SMPDL3A: variants seen among roughly 807,000 people sequenced by gnomAD.
The protein encoded by SMPDL3A is cyclic GMP-AMP phosphodiesterase SMPDL3A.
In SMPDL3A, 39 loss-of-function variants were observed where a neutral mutation model predicts 38.5. The ratio of observed to expected loss-of-function variants is 1.01; its 90% CI spans 0.78 to 1.32. The LOEUF (loss-of-function observed/expected upper bound fraction) is 1.32, where lower values mean the gene tolerates loss of function less well. Ranked by LOEUF, SMPDL3A falls within the 40% of genes most tolerant of loss-of-function variation. The pLI, the probability that SMPDL3A is intolerant of heterozygous loss-of-function variation, is 0.00. For missense variants in SMPDL3A, 502 were observed against 536.2 expected, an observed-to-expected ratio of 0.94 and a Z score of 0.63; for synonymous variants, 180 against 194.3, an observed-to-expected ratio of 0.93 and a Z score of 0.61.
At chr6:122,800,738 G>T (rs200563741) in intron 3 of SMPDL3A, among the ~76,000 whole-genome samples, 1 of 107,390 alleles carries the variant, frequency 9.3e-6, no homozygotes, top group African/African-American at 3.0e-5. Flanking sequence ...CACCTTTTTT[G>T]TTTGTTTGTT....
At chr6:122,801,429 C>CAGT in intron 4 of SMPDL3A, 23 bp downstream of exon 4, 1 of 1,464,170 alleles carries the variant, frequency 6.8e-7, no homozygotes. Context: ...CTTAGTTATT[C>CAGT]CTATTTTGCC....
At chr6:122,790,658 G>C (rs1361018827) in intron 1 of SMPDL3A, among the ~76,000 whole-genome samples, 1 of 152,198 alleles carries the variant, frequency 6.6e-6, no homozygotes, top group East Asian at 1.9e-4. Flanking sequence ...CCGAACTGTG[G>C]CAAATGTCAG....
At chr6:122,803,607 C>G (rs1781494887) in intron 4 of SMPDL3A, 57 bp from the exon 5 acceptor site, 1 of 1,376,670 alleles carries the variant, frequency 7.3e-7, no homozygotes, top group African/African-American at 1.4e-5. Context: ...TTTGCTTTCA[C>G]AATGTTTGTG....
chr6:122,801,033 G>A (rs1227227437), intron 3 of SMPDL3A, among the ~76,000 whole-genome samples: 2 of 152,228 alleles, frequency 1.3e-5, no homozygotes, highest in African/African-American at 2.4e-5. Flanking sequence ...TTATAGGCAT[G>A]AGCCACTGCA....
At chr6:122,791,843 G>A (rs2115158373) in intron 1 of SMPDL3A, among the ~76,000 whole-genome samples, 2 of 152,130 alleles carry the variant, frequency 1.3e-5, no homozygotes, top group South Asian at 4.1e-4. Context: ...ACAGGCGCCC[G>A]CCACCATGCC....
At chr6:122,808,965 A>T in intron 7 of SMPDL3A, 126 bp from the exon 8 acceptor site, 3 of 745,846 alleles carry the variant, frequency 4.0e-6, no homozygotes, top group Non-Finnish European at 6.6e-6. Context: ...AAGTGCTAGG[A>T]TTACAGGCGT....
chr6:122,800,832 C>A (rs1781405809), intron 3 of SMPDL3A, among the ~76,000 whole-genome samples: 1 of 152,126 alleles, frequency 6.6e-6, no homozygotes, highest in Admixed American at 6.5e-5. Flanking sequence ...CTCACTGCAA[C>A]CTTCGCCTCA....
chr6:122,789,821 AAGCTGGG>A, intron 1 of SMPDL3A: 2 of 985,228 alleles, frequency 2.0e-6, no homozygotes, highest in African/African-American at 3.5e-5. Flanking sequence ...AGGGAAGAGG[AAGCTGGG>A]AGTCCGATGT....
intron 1 of SMPDL3A, among the ~76,000 whole-genome samples, chr6:122,790,872 A>G (rs1012998186): frequency 2.0e-5 from 3 of 152,046 alleles, no homozygotes; most frequent in Non-Finnish European, 4.4e-5. Context: ...GAGTCTTCAC[A>G]CCTCCTGTTT....
At chr6:122,802,050 G>A (rs972671650) in intron 4 of SMPDL3A, among the ~76,000 whole-genome samples, 30 of 152,048 alleles carry the variant, frequency 2.0e-4, no homozygotes, top group South Asian at 1.0e-3. Context: ...TACTTCTTTC[G>A]GTATTTTTGT....
rs1257784705 is a variant in SMPDL3A at position 122,803,778 on chromosome 6, A to G, written c.683A>G (p.Asn228Ser). 2 of 1,614,086 alleles carry G rather than the reference A, an allele frequency of 1.2e-6. No homozygotes were observed. Among genetic ancestry groups the G allele is most frequent in the Admixed American group, 3.3e-5 (2 of 60,018 alleles). ...ACACTGAACAAGACTGACCCAGCCA[A>G]CCAGTTTGAATGGCTAGAAAGTACA... ...IMTLNKTDPA[N>S]QFEWLESTLN... is the part of the protein sequence containing the mutation. Residue 228 changes from asparagine to serine, a missense_variant, in exon 5 of 8, where the codon AAC becomes AGC. By Grantham distance (46) the Asn-to-Ser change is conservative. Transcript: ENST00000368440.
chr6:122,805,099 T>A lies in SMPDL3A; in HGVS notation c.919+10T>A, dbSNP rs370597839. 2.0e-5 allele frequency: 31 copies of A among 1,588,420 alleles called. No homozygotes were observed. Among genetic ancestry groups the A allele is most frequent in the Non-Finnish European group, 2.6e-5 (30 of 1,168,988 alleles). ...CTTTCAGATAAAAAAGGTAATGTAA[T>A]GCTGTGTTTGCATCTCCCCAGTCTA... is the stretch of plus-strand genomic sequence containing the variant. On this transcript the variant is annotated intron_variant, in intron 6 of 7. Coordinates refer to ENST00000368440, the MANE Select transcript of SMPDL3A (RefSeq NM_006714.5).
chr6:122,798,285 T>C (rs1371311846), intron 3 of SMPDL3A, among the ~76,000 whole-genome samples: 1 of 152,180 alleles, frequency 6.6e-6, no homozygotes, highest in Non-Finnish European at 1.5e-5. Context: ...CCTGTTGATA[T>C]GTTAGACCAC....
Position 122,799,961 on chromosome 6 carries a change from CTTTTTTTTTTT to C in SMPDL3A, c.472-1339_472-1329del, listed in dbSNP as rs112956534. On this transcript the variant is annotated intron_variant, in intron 3 of 7. Coordinates refer to ENST00000368440, the MANE Select transcript of SMPDL3A (RefSeq NM_006714.5). ...TTTATGGGTTTTTATTCAGTATTTA[CTTTTTTTTTTT>C]TTTTTTTTTGAAACAGGGTCTTTTT... Among the ~76,000 whole-genome samples, 12 of 124,532 alleles carry C rather than the reference CTTTTTTTTTTT, an allele frequency of 9.6e-5. No individual in the cohort carries two copies. In the East Asian group the frequency reaches 2.4e-3, roughly 25 times the overall value. 81.7% of individuals were successfully genotyped at this position (124,532 alleles called of 152,430 possible).
rs1173202705 is a variant in SMPDL3A, at chr6:122,809,511, C to T, written c.*103C>T. 2 of 782,708 alleles carry T rather than the reference C, an allele frequency of 2.6e-6. No homozygotes were observed. Among genetic ancestry groups the T allele is most frequent in the Admixed American group, 2.9e-5 (1 of 34,390 alleles). The allele number at this position is 782,708 out of a possible 1,614,324, so 48.5% of individuals were successfully genotyped here. On this transcript the variant is annotated 3_prime_UTR_variant, in exon 8 of 8. Coordinates refer to ENST00000368440, the MANE Select transcript of SMPDL3A (RefSeq NM_006714.5). ...GTTAATTACTGAGTGGGCAAGTAGA[C>T]TTCCTGTCTTTGCTTTCTTTTTTTT... is the stretch of plus-strand genomic sequence containing the variant.
chr6:122,793,590 T>C (rs1781146668), intron 1 of SMPDL3A, among the ~76,000 whole-genome samples: 1 of 152,222 alleles, frequency 6.6e-6, no homozygotes, highest in Non-Finnish European at 1.5e-5. Context: ...TTTTCTGCAT[T>C]ATGGAATAAA....
intron 1 of SMPDL3A, 82 bp downstream of exon 1, chr6:122,789,540 T>C (rs1025789992): frequency 8.2e-7 from 1 of 1,212,406 alleles, no homozygotes; most frequent in Non-Finnish European, 1.2e-6. Context: ...AGAAAGTGCG[T>C]GGGGGCAGCT....
intron 1 of SMPDL3A, among the ~76,000 whole-genome samples, chr6:122,793,351 T>TA (rs1276015500): frequency 6.6e-6 from 1 of 152,210 alleles, no homozygotes; most frequent in Admixed American, 6.5e-5. Flanking sequence ...ATAGCAAGAT[T>TA]AGTGGGTGGT....
At chr6:122,800,086 A>G (rs2115168582) in intron 3 of SMPDL3A, among the ~76,000 whole-genome samples, 1 of 150,476 alleles carries the variant, frequency 6.6e-6, no homozygotes, top group Admixed American at 6.7e-5. Context: ...CTCCTGGCTT[A>G]GCCTTTCAAA....
Sources: allele counts gnomAD v4.1 joint callset (sites outside exome capture counted in the v4.1 genomes callset), GRCh38; gene constraint gnomAD v4.1.1; transcripts MANE v1.5; gene names NCBI Gene and HGNC (gene_info 2026-07-23, HGNC 2026-07-21).